Variants in CPNE1 observed in about 807,000 individuals in gnomAD.
The protein encoded by CPNE1 is copine 1.
In CPNE1, 58 loss-of-function variants were observed where a neutral mutation model predicts 63.2. The ratio of observed to expected loss-of-function variants is 0.92; its 90% CI spans 0.74 to 1.14. The LOEUF (loss-of-function observed/expected upper bound fraction) is 1.14, where lower values mean the gene tolerates loss of function less well. Among genes scored for constraint, CPNE1 ranks in the 50% most tolerant of loss-of-function variants. CPNE1 has a pLI of 0.00. For synonymous variants in CPNE1, 237 were observed against 249.0 expected, an observed-to-expected ratio of 0.95 and a Z score of 0.45; for missense variants, 672 against 661.7, an observed-to-expected ratio of 1.02 and a Z score of -0.17.
intron 1 of CPNE1, among the ~76,000 whole-genome samples, chr20:35,644,984 GCC>G (rs2033024397): frequency 2.0e-5 from 3 of 152,110 alleles, no homozygotes; most frequent in Admixed American, 1.3e-4. Flanking sequence ...AGTCAATTCT[GCC>G]CCCATCCCTC....
At chr20:35,652,663 C>T in intron 1 of CPNE1, 1 of 1,614,160 alleles carries the variant, frequency 6.2e-7, no homozygotes, top group Non-Finnish European at 8.5e-7. Flanking sequence ...GTATTTTAAA[C>T]ACACTGAGCC....
chr20:35,627,610 A>T, intron 13 of CPNE1, 197 bp from the exon 14 acceptor site: 1 of 501,016 alleles, frequency 2.0e-6, no homozygotes, highest in Non-Finnish European at 3.5e-6. Context: ...ACTTGCCCTA[A>T]ATCACAGCTT....
chr20:35,627,495 A>C (rs2031838331), intron 13 of CPNE1, 82 bp from the exon 14 acceptor site: 1 of 1,445,972 alleles, frequency 6.9e-7, no homozygotes, highest in Non-Finnish European at 9.4e-7. Context: ...ATCCCAGCCC[A>C]GGAGATCTCG....
rs2146287277 is a variant in CPNE1, at chr20:35,632,197, G to A, written c.422C>T (p.Thr141Ile). The A allele has an allele frequency of 6.2e-7, 1 of 1,614,064 alleles. No individual in the cohort carries two copies. The highest frequency in any genetic ancestry group is 2.2e-5 in the East Asian group (1 of 44,882). The change falls in exon 5 of 16, where the codon ACC becomes ATC. Residue 141 changes from threonine (T) to isoleucine (I), a missense_variant. By Grantham distance (89) the Thr-to-Ile change is moderately conservative. Coordinates refer to ENST00000397443, the MANE Select transcript of CPNE1 (RefSeq NM_152925.3). ...TAGGTTTCTGGCCTCTACCTCCATG[G>A]TTACTACACGATTGTCCTTTAATTC... The part of the protein sequence containing the change: ...AQELKDNRVV[T>I]MEVEARNLDK...
intron 1 of CPNE1, chr20:35,643,102 A>G (rs920082894): frequency 6.5e-6 from 1 of 152,826 alleles, no homozygotes; most frequent in African/African-American, 2.4e-5. Context: ...ATGGAGAAGG[A>G]AAGAAGCAAA....
chr20:35,638,203 C>CTTT (rs1180301799), intron 1 of CPNE1, among the ~76,000 whole-genome samples: 2 of 152,280 alleles, frequency 1.3e-5, no homozygotes, highest in Admixed American at 1.3e-4. Flanking sequence ...GGTGAATGTG[C>CTTT]TTTTGCTCAA....
At chr20:35,630,690 A>C in intron 12 of CPNE1, 51 bp downstream of exon 12, 1 of 1,600,466 alleles carries the variant, frequency 6.2e-7, no homozygotes, top group Non-Finnish European at 8.6e-7. Flanking sequence ...ATCCCCCAAA[A>C]TCAGGACCCT....
chr20:35,652,490 T>G (rs749908517), intron 1 of CPNE1: 1 of 1,572,618 alleles, frequency 6.4e-7, no homozygotes, highest in South Asian at 1.2e-5. Context: ...CACAGCAATA[T>G]GAAGATCTAC....
intron 1 of CPNE1, among the ~76,000 whole-genome samples, chr20:35,645,711 T>C (rs1228046177): frequency 6.6e-6 from 1 of 152,156 alleles, no homozygotes; most frequent in Non-Finnish European, 1.5e-5. Flanking sequence ...CATCAGTAAT[T>C]AGTAGTTGCA....
At position 35,634,548 on chromosome 20, in the gene CPNE1, C is replaced by T. The variant is rs372761176; in HGVS notation, c.1-1625G>A. Among the ~76,000 whole-genome samples the T allele has an allele frequency of 1.1e-4, 16 of 150,076 alleles. 2 individuals carry two copies. Among genetic ancestry groups the T allele is most frequent in the East Asian group, 7.9e-4 (4 of 5,076 alleles). ...GGTGGAGGTTGAAGTAAGCCGAGAT[C>T]GCGCCACCGTACTCCAGCCTGGGCA... On this transcript the variant is annotated intron_variant, in intron 1 of 15. Transcript: ENST00000397443.
chr20:35,646,274 A>G (rs953736479), intron 1 of CPNE1, among the ~76,000 whole-genome samples: 8 of 150,418 alleles, frequency 5.3e-5, no homozygotes, highest in African/African-American at 1.5e-4. Flanking sequence ...AAAAAAAAAA[A>G]AAAAGAAACA....
Position 35,627,572 on chromosome 20 carries a change from G to A in CPNE1, c.1103-159C>T, listed in dbSNP as rs2031845501. On this transcript the variant is annotated intron_variant, in intron 13 of 15. Transcript: ENST00000397443. ...GTACTTAACTGTCTCCTACACATGAGGAAACTAAGGTTCAAAGAGAGGAGG... is the reference window on the plus strand; with the variant it reads ...GTACTTAACTGTCTCCTACACATGAAGAAACTAAGGTTCAAAGAGAGGAGG... 4.7e-6 allele frequency: 3 copies of A among 632,276 alleles called. No homozygotes were observed. The African/African-American group carries it at 5.6e-5, about 12-fold the overall frequency. 39.2% of individuals were successfully genotyped at this position (632,276 alleles called of 1,614,324 possible).
intron 1 of CPNE1, chr20:35,643,131 TC>T (rs2032905588): frequency 6.5e-6 from 1 of 154,638 alleles, no homozygotes; most frequent in Non-Finnish European, 1.5e-5. Context: ...GACTACATGG[TC>T]TTCAAAAGCA....
intron 1 of CPNE1, among the ~76,000 whole-genome samples, chr20:35,643,722 A>T (rs547765819): frequency 6.6e-6 from 1 of 152,002 alleles, no homozygotes; most frequent in South Asian, 2.1e-4. Context: ...ACAGAGTGAG[A>T]CTCTGTTGCG....
chr20:35,652,274 T>G (rs2033577661), intron 1 of CPNE1: 1 of 375,958 alleles, frequency 2.7e-6, no homozygotes, highest in Admixed American at 4.2e-5. Flanking sequence ...GTTTTACAAA[T>G]GGTTTCTCTA....
intron 1 of CPNE1, among the ~76,000 whole-genome samples, chr20:35,658,082 A>T (rs187537075): frequency 0.012 from 1,528 of 130,580 alleles, 7 homozygotes; most frequent in Non-Finnish European, 0.017. Flanking sequence ...ATAAAAATTT[A>T]AAAAAAAATT....
Position 35,626,693 on chromosome 20 carries a change from A to G in CPNE1, c.1347T>C (p.Gly449=). The G allele has an allele frequency of 6.2e-7, 1 of 1,613,964 alleles. No homozygotes were observed. Among genetic ancestry groups the G allele is most frequent in the Non-Finnish European group, 8.5e-7 (1 of 1,179,980 alleles). The change falls in exon 15 of 16, where the codon GGT becomes GGC. Residue 449 remains glycine (G), a synonymous_variant. Transcript: ENST00000397443. ...SNLPMSVIIV[G]VGGADFEAME... is the part of the protein sequence containing the mutation. ...TGGCCTCAAAGTCAGCACCACCCACACCCACAATGATCACTGACATGGGCA... is the reference window on the plus strand; with the variant it reads ...TGGCCTCAAAGTCAGCACCACCCACGCCCACAATGATCACTGACATGGGCA...
At chr20:35,647,834 C>A (rs1201246439) in intron 1 of CPNE1, among the ~76,000 whole-genome samples, 1 of 146,384 alleles carries the variant, frequency 6.8e-6, no homozygotes, top group African/African-American at 2.5e-5. Context: ...GTGGGCGGAT[C>A]ATGAGATCAG....
chr20:35,646,251 TCAAAAAA>T (rs1568925320), intron 1 of CPNE1, among the ~76,000 whole-genome samples: 1 of 42,412 alleles, frequency 2.4e-5, no homozygotes, highest in African/African-American at 9.1e-5. Flanking sequence ...CAAGACCATC[TCAAAAAA>T]AAAAAAAAAA....
Sources: allele counts gnomAD v4.1 joint callset (sites outside exome capture counted in the v4.1 genomes callset), GRCh38; gene constraint gnomAD v4.1.1; transcripts MANE v1.5; gene names NCBI Gene and HGNC (gene_info 2026-07-23, HGNC 2026-07-21).